TRDN: variants seen among roughly 807,000 people sequenced by gnomAD.
TRDN encodes triadin in skeletal muscle.
TRDN carries 161 observed loss-of-function variants against 149.7 expected under a neutral mutation model. That is an observed-to-expected ratio of 1.08 (90% CI 0.95 to 1.23). The LOEUF is 1.23. Ranked by LOEUF, TRDN falls within the 50% of genes most tolerant of loss-of-function variation. TRDN has a pLI of 0.00. For synonymous variants in TRDN, 294 were observed against 250.5 expected (o/e 1.17, Z -1.64); for missense variants, 896 against 823.5 (o/e 1.09, Z -1.08).
chr6:123,483,811 T>G (rs1777870983), intron 9 of TRDN, among the ~76,000 whole-genome samples: 1 of 152,196 alleles, frequency 6.6e-6, no homozygotes, highest in South Asian at 2.1e-4. Context: ...TGAGATTGAT[T>G]AATAGAACAA....
intron 12 of TRDN, among the ~76,000 whole-genome samples, chr6:123,416,698 C>CTTTTTTTTT (rs139842688): frequency 4.1e-5 from 6 of 146,266 alleles, no homozygotes; most frequent in South Asian, 2.1e-4. Context: ...TTCTTTTCCT[C>CTTTTTTTTT]TTTTTTTCTT....
chr6:123,327,999 T>C (rs1042055852), intron 23 of TRDN, among the ~76,000 whole-genome samples: 2 of 152,206 alleles, frequency 1.3e-5, no homozygotes. Context: ...GTCAAAATCA[T>C]TTTAAAATGC....
chr6:123,440,973 A>G (rs1337471771), intron 10 of TRDN: 1 of 151,524 alleles, frequency 6.6e-6, no homozygotes, highest in Non-Finnish European at 1.5e-5. Flanking sequence ...AGAGTCATGA[A>G]TAAGAGCAGA....
intron 32 of TRDN, among the ~76,000 whole-genome samples, chr6:123,267,234 T>C (rs1377192506): frequency 6.6e-6 from 1 of 151,860 alleles, no homozygotes; most frequent in African/African-American, 2.4e-5. Flanking sequence ...GTTTGAACCA[T>C]GTGAAATATT....
chr6:123,385,405 CAG>C (rs1781871435), intron 14 of TRDN, among the ~76,000 whole-genome samples: 2 of 138,466 alleles, frequency 1.4e-5, no homozygotes. Flanking sequence ...GCCTGGGCGA[CAG>C]AGCGAGACTC....
chr6:123,497,385 A>T, intron 8 of TRDN, 133 bp from the exon 9 acceptor site: 1 of 541,780 alleles, frequency 1.8e-6, no homozygotes. Context: ...TCTGTAAAAA[A>T]AATAATTTGC....
intron 8 of TRDN, among the ~76,000 whole-genome samples, chr6:123,501,250 G>T (rs1168714378): frequency 6.6e-6 from 1 of 152,020 alleles, no homozygotes; most frequent in Non-Finnish European, 1.5e-5. Flanking sequence ...TGTGTCCCAT[G>T]TGAAAATCTG....
At chr6:123,570,306 A>G (rs1052502992) in intron 2 of TRDN, among the ~76,000 whole-genome samples, 4 of 152,220 alleles carry the variant, frequency 2.6e-5, no homozygotes, top group East Asian at 3.8e-4. Context: ...CTCACAGTCA[A>G]TAGAGGGTGT....
intron 31 of TRDN, 127 bp downstream of exon 31, chr6:123,269,719 TTTA>T: frequency 1.3e-6 from 1 of 799,452 alleles, no homozygotes; most frequent in Non-Finnish European, 1.9e-6. Context: ...ATAACATTAA[TTTA>T]TTATTAACAG....
At chr6:123,397,195 A>C (rs1474814060) in intron 12 of TRDN, among the ~76,000 whole-genome samples, 2 of 152,354 alleles carry the variant, frequency 1.3e-5, no homozygotes, top group East Asian at 3.9e-4. Flanking sequence ...AAAATAAATA[A>C]GAAAGACTCC....
At chr6:123,577,282 C>T (rs1453469461) in intron 1 of TRDN, among the ~76,000 whole-genome samples, 1 of 151,896 alleles carries the variant, frequency 6.6e-6, no homozygotes, top group Non-Finnish European at 1.5e-5. Flanking sequence ...TTTTTTTCTG[C>T]TCCTGTCCCT....
intron 21 of TRDN, 33 bp downstream of exon 21, chr6:123,352,506 A>T: frequency 6.2e-7 from 1 of 1,607,054 alleles, no homozygotes; most frequent in Admixed American, 1.7e-5. Context: ...CTTTCTAAAG[A>T]AGATAATGTC....
chr6:123,606,359 G>GT (rs545492300), intron 1 of TRDN, among the ~76,000 whole-genome samples: 3 of 151,696 alleles, frequency 2.0e-5, no homozygotes, highest in African/African-American at 7.3e-5. Flanking sequence ...AACAAGCATG[G>GT]TTTTTTTCCC....
intron 38 of TRDN, among the ~76,000 whole-genome samples, chr6:123,233,205 A>G (rs72972652): frequency 3.3e-5 from 5 of 151,852 alleles, no homozygotes; most frequent in Admixed American, 3.3e-4. Flanking sequence ...AAGAAATCTT[A>G]AAAACCCACG....
At chr6:123,369,651 G>A (rs1325779403) in intron 19 of TRDN, among the ~76,000 whole-genome samples, 1 of 152,086 alleles carries the variant, frequency 6.6e-6, no homozygotes, top group African/African-American at 2.4e-5. Flanking sequence ...AGCTGCTGTT[G>A]AGAAATTCAT....
intron 38 of TRDN, among the ~76,000 whole-genome samples, chr6:123,240,794 T>C (rs544178220): frequency 2.6e-5 from 4 of 152,092 alleles, no homozygotes; most frequent in African/African-American, 9.6e-5. Flanking sequence ...ATAAAATTGA[T>C]TAATTTATTT....
intron 20 of TRDN, among the ~76,000 whole-genome samples, chr6:123,356,316 T>C (rs80254853): frequency 0.084 from 12,691 of 151,334 alleles, 1,748 homozygotes; most frequent in African/African-American, 0.29. Flanking sequence ...ATATCAAATG[T>C]ATCTACTATG....
intron 40 of TRDN, among the ~76,000 whole-genome samples, chr6:123,219,817 G>A (rs939566139): frequency 6.6e-6 from 1 of 151,780 alleles, no homozygotes; most frequent in Non-Finnish European, 1.5e-5. Context: ...GAGCTTGGGG[G>A]TTAGGCAGGC....
intron 10 of TRDN, among the ~76,000 whole-genome samples, chr6:123,458,862 TAA>T (rs35464457): frequency 2.3e-4 from 35 of 150,672 alleles, no homozygotes; most frequent in African/African-American, 8.3e-4. Flanking sequence ...TTTCTGTGAT[TAA>T]AAAAAAAGGG....
Sources: gnomAD v4.1 joint callset for allele counts (sites outside exome capture counted in the v4.1 genomes callset) on GRCh38, gnomAD v4.1.1 for gene constraint, MANE v1.5 for transcripts, NCBI Gene and HGNC (gene_info 2026-07-23, HGNC 2026-07-21) for gene names.